Variants in POLA2 observed in about 807,000 individuals in gnomAD.
POLA2 encodes DNA polymerase alpha 2, accessory subunit.
Under a neutral mutation model 82.8 loss-of-function variants are expected in POLA2, and 47 were observed. The ratio of observed to expected loss-of-function variants is 0.57; its 90% CI spans 0.45 to 0.72. The LOEUF (loss-of-function observed/expected upper bound fraction) is 0.72. Among genes scored for constraint, POLA2 ranks in the 30% least tolerant of loss-of-function variants. POLA2 has a pLI of 0.00. For synonymous variants in POLA2, 287 were observed against 286.8 expected (o/e 1.00, Z -0.01); for missense variants, 634 against 728.1 (o/e 0.87, Z 1.49).
intron 11 of POLA2, among the ~76,000 whole-genome samples, chr11:65,288,139 C>A (rs1949717045): frequency 6.6e-6 from 1 of 152,056 alleles, no homozygotes; most frequent in Non-Finnish European, 1.5e-5. Flanking sequence ...AACCCCATCT[C>A]TACTAAAAAT....
At chr11:65,266,166 G>T (rs1169264980) in intron 1 of POLA2, among the ~76,000 whole-genome samples, 2 of 152,092 alleles carry the variant, frequency 1.3e-5, no homozygotes, top group African/African-American at 2.4e-5. Flanking sequence ...TCTTCCTGTT[G>T]CACAGGCTAA....
At chr11:65,303,562 C>T (rs1040496309), downstream of POLA2, among the ~76,000 whole-genome samples, 2 of 152,014 alleles carry the variant, frequency 1.3e-5, no homozygotes, top group African/African-American at 4.8e-5. Flanking sequence ...TAGACATATA[C>T]AAATGTTTAT....
At chr11:65,302,960 C>T (rs1246809129), downstream of POLA2, among the ~76,000 whole-genome samples, 1 of 152,080 alleles carries the variant, frequency 6.6e-6, no homozygotes, top group Non-Finnish European at 1.5e-5. Context: ...ATCCTCCTGC[C>T]TGAGCCTCCC....
Position 65,275,935 on chromosome 11 carries a change from C to T in POLA2, c.398C>T (p.Thr133Ile). 2.5e-6 allele frequency: 4 copies of T among 1,608,834 alleles called. No homozygotes were observed. Among genetic ancestry groups the T allele is most frequent in the Non-Finnish European group, 3.4e-6 (4 of 1,177,728 alleles). The change falls in exon 5 of 18, where the codon ACA (threonine) becomes ATA (isoleucine). Residue 133 changes from threonine (T) to isoleucine (I), a missense_variant. By Grantham distance (89) the Thr-to-Ile change is moderately conservative. Coordinates refer to ENST00000265465, the MANE Select transcript of POLA2 (RefSeq NM_002689.4). ...ATCTCTACCCCAGAAACCCCCCTAA[C>T]AAAAAGGAGTGTGTCAACTCGTAGC... Reference protein sequence around the residue: ...RAISTPETPLTKRSVSTRSPH... With the variant: ...RAISTPETPLIKRSVSTRSPH...
At chr11:65,282,642 G>A (rs1258944268) in intron 10 of POLA2, 121 bp downstream of exon 10, 1 of 820,458 alleles carries the variant, frequency 1.2e-6, no homozygotes, top group Non-Finnish European at 2.1e-6. Context: ...TGACCAAGCA[G>A]TGAGGGCGCC....
intron 11 of POLA2, 127 bp downstream of exon 11, chr11:65,287,967 A>C: frequency 4.0e-6 from 4 of 991,306 alleles, no homozygotes; most frequent in Non-Finnish European, 2.9e-6. Flanking sequence ...CTTAATCTAC[A>C]TCTTTGGAGA....
chr11:65,276,682 G>A (rs1289045443), intron 5 of POLA2, among the ~76,000 whole-genome samples: 3 of 152,054 alleles, frequency 2.0e-5, no homozygotes, highest in Non-Finnish European at 2.9e-5. Flanking sequence ...ATGAGGCTCC[G>A]GAGCAGTAGT....
At chr11:65,267,426 C>A in intron 2 of POLA2, 51 bp from the exon 3 acceptor site, 1 of 1,079,338 alleles carries the variant, frequency 9.3e-7, no homozygotes, top group Non-Finnish European at 1.4e-6. Context: ...GAAAACACCT[C>A]TGCTATTACT....
In POLA2 at chr11:65,295,582, C is replaced by T; in HGVS notation, c.1503C>T (p.His501=). 3 of 1,613,860 alleles carry T rather than the reference C, an allele frequency of 1.9e-6. No individual in the cohort carries two copies. The highest frequency in any genetic ancestry group is 8.5e-7 in the Non-Finnish European group (1 of 1,179,886). The change falls in exon 16 of 18, where the codon CAC becomes CAT. Residue 501 remains histidine, a synonymous_variant. Transcript: ENST00000265465. ...ACAGATTCAGCCGAATACTCAAGCA[C>T]ATCTTGACCCAGAGGAGGTGAGCTT... The part of the protein sequence containing the change: ...TSDRFSRILK[H]ILTQRSYYPL...
Position 65,267,527 on chromosome 11 carries a change from T to C in POLA2, c.255T>C (p.Ser85=), listed in dbSNP as rs1949474354. 1 of 1,612,618 alleles carries C rather than the reference T, an allele frequency of 6.2e-7. No individual in the cohort carries two copies. The highest frequency in any genetic ancestry group is 2.2e-5 in the East Asian group (1 of 44,838). Reference sequence around the variant, plus strand: ...CCAGGCATAGTACCTGCAAGGACAGTGGCCATGCAGGAGCTAGAGACATTG... The same window carrying C: ...CCAGGCATAGTACCTGCAAGGACAGCGGCCATGCAGGAGCTAGAGACATTG... ...SKARHSTCKD[S]GHAGARDIVS... is the part of the protein sequence containing the mutation. Residue 85 remains serine (S), a synonymous_variant, in exon 3 of 18, where the codon AGT becomes AGC. Transcript: ENST00000265465.
intron 17 of POLA2, chr11:65,296,383 G>T: frequency 5.0e-6 from 1 of 201,376 alleles, no homozygotes; most frequent in Non-Finnish European, 1.0e-5. Flanking sequence ...GAAGCTATTG[G>T]GTCATTTTGA....
intron 10 of POLA2, among the ~76,000 whole-genome samples, chr11:65,285,403 A>G (rs989415526): frequency 1.3e-5 from 2 of 149,998 alleles, no homozygotes; most frequent in African/African-American, 4.9e-5. Flanking sequence ...CTCTGTCTCA[A>G]AAAAAAAAAT....
intron 1 of POLA2, among the ~76,000 whole-genome samples, chr11:65,263,208 T>TTC (rs1194979792): frequency 1.3e-4 from 20 of 149,440 alleles, no homozygotes; most frequent in South Asian, 8.6e-4. Context: ...GCCCAGTGCC[T>TTC]TCTCTCTCTC....
chr11:65,264,259 G>T (rs1326353921), intron 1 of POLA2, among the ~76,000 whole-genome samples: 2 of 152,148 alleles, frequency 1.3e-5, no homozygotes, highest in African/African-American at 2.4e-5. Flanking sequence ...AGTAGAGATG[G>T]GGTTTCGCCA....
chr11:65,281,785 C>T, intron 9 of POLA2, 53 bp downstream of exon 9: 1 of 1,373,710 alleles, frequency 7.3e-7, no homozygotes, highest in Non-Finnish European at 1.0e-6. Flanking sequence ...CAAAGTATGT[C>T]TGGAAGCTGT....
In POLA2 at chr11:65,289,098, C is replaced by T; in HGVS notation, c.1170+10C>T. On this transcript the variant is annotated intron_variant, in intron 12 of 17. Coordinates refer to ENST00000265465, the MANE Select transcript of POLA2 (RefSeq NM_002689.4). ...GCATGAACAGGTGGAGGTGAGTGGG[C>T]TGGGGTGGGAAGGGGTCCTGGGTAC... is the stretch of plus-strand genomic sequence containing the variant. The T allele has an allele frequency of 6.3e-7, 1 of 1,598,176 alleles. No homozygotes were observed. Among genetic ancestry groups the T allele is most frequent in the Non-Finnish European group, 8.6e-7 (1 of 1,167,850 alleles).
At chr11:65,288,424 A>G (rs1434514221) in intron 11 of POLA2, among the ~76,000 whole-genome samples, 3 of 151,982 alleles carry the variant, frequency 2.0e-5, no homozygotes, top group African/African-American at 7.3e-5. Context: ...AGCTCAAAAT[A>G]CTATTATTAG....
At chr11:65,262,689 A>C (rs1440780310) in intron 1 of POLA2, among the ~76,000 whole-genome samples, 1 of 152,104 alleles carries the variant, frequency 6.6e-6, no homozygotes, top group Non-Finnish European at 1.5e-5. Context: ...CTGAGTTTGG[A>C]AATTGTTGAA....
At chr11:65,288,919 G>C (rs1332696792) in intron 11 of POLA2, 131 bp from the exon 12 acceptor site, 2 of 809,644 alleles carry the variant, frequency 2.5e-6, no homozygotes, top group African/African-American at 3.5e-5. Context: ...ACTGTCCCCA[G>C]GCTCTACAGG....
Sources: allele counts gnomAD v4.1 joint callset (sites outside exome capture counted in the v4.1 genomes callset), GRCh38; gene constraint gnomAD v4.1.1; transcripts MANE v1.5; gene names NCBI Gene and HGNC (gene_info 2026-07-23, HGNC 2026-07-21).